Variants in SHROOM3 observed in about 807,000 individuals in gnomAD.
SHROOM3 encodes the protein shroom family member 3, also known as protein Shroom3.
A neutral mutation model predicts 138.6 loss-of-function variants in SHROOM3; 47 were observed. The ratio of observed to expected loss-of-function variants is 0.34; its 90% CI spans 0.27 to 0.43. The LOEUF is 0.43. Among genes scored for constraint, SHROOM3 ranks in the 20% least tolerant of loss-of-function variants. The pLI is 1.00. For synonymous variants in SHROOM3, 1,062 were observed against 1,063.3 expected, an observed-to-expected ratio of 1.00 and a Z score of 0.02; for missense variants, 2,491 against 2,596.5, an observed-to-expected ratio of 0.96 and a Z score of 0.88.
chr4:76,752,116 AC>A (rs1270450744), intron 6 of SHROOM3, among the ~76,000 whole-genome samples: 1 of 152,266 alleles, frequency 6.6e-6, no homozygotes, highest in Non-Finnish European at 1.5e-5. Context: ...GTATAGCCAT[AC>A]AATGGAATAT....
At chr4:76,688,784 C>G in intron 2 of SHROOM3, 2 of 985,346 alleles carry the variant, frequency 2.0e-6, no homozygotes, top group Non-Finnish European at 2.4e-6. Context: ...AAATTACAGT[C>G]ATGACGACCG....
At chr4:76,737,129 C>T (rs761691161) in intron 4 of SHROOM3, among the ~76,000 whole-genome samples, 1 of 152,136 alleles carries the variant, frequency 6.6e-6, no homozygotes, top group Non-Finnish European at 1.5e-5. Flanking sequence ...TTTATTGTGT[C>T]CATTGTTCTG....
intron 10 of SHROOM3, among the ~76,000 whole-genome samples, chr4:76,776,890 G>A (rs950301283): frequency 1.3e-5 from 2 of 152,052 alleles, no homozygotes; most frequent in Non-Finnish European, 1.5e-5. Context: ...TTGCTTTCTC[G>A]AAGATCAGTT....
chr4:76,513,178 AT>A (rs2110006311), intron 1 of SHROOM3, among the ~76,000 whole-genome samples: 1 of 152,248 alleles, frequency 6.6e-6, no homozygotes, highest in East Asian at 1.9e-4. Context: ...CGGGTCTTTC[AT>A]GATTCCCTAT....
At chr4:76,476,529 C>T (rs1024843246) in intron 1 of SHROOM3, among the ~76,000 whole-genome samples, 41 of 152,174 alleles carry the variant, frequency 2.7e-4, no homozygotes, top group Non-Finnish European at 5.0e-4. Flanking sequence ...TAGATGAGCT[C>T]TTCTATTTTT....
rs529124926 is a variant in SHROOM3, at chr4:76,626,172, C to G, written c.323+70409C>G. 3.9e-5 allele frequency among the ~76,000 whole-genome samples: 6 copies of G among 152,162 alleles called. No homozygotes were observed. In the South Asian group the frequency reaches 1.3e-3, roughly 32 times the overall value. ...CGTAGGGCTGCTTCATCAGGCGAAC[C>G]CTAATTCATGTAAAATTCAACGCTG... On this transcript the variant is annotated intron_variant, in intron 2 of 10. Coordinates refer to ENST00000296043, the MANE Select transcript of SHROOM3 (RefSeq NM_020859.4).
intron 2 of SHROOM3, among the ~76,000 whole-genome samples, chr4:76,591,422 C>G (rs1734271038): frequency 6.6e-6 from 1 of 152,202 alleles, no homozygotes; most frequent in Admixed American, 6.5e-5. Flanking sequence ...ACTTTTAGAT[C>G]TCCTTCACTT....
At chr4:76,733,888 G>C (rs1185174810) in intron 4 of SHROOM3, among the ~76,000 whole-genome samples, 1 of 152,118 alleles carries the variant, frequency 6.6e-6, no homozygotes, top group Non-Finnish European at 1.5e-5. Context: ...TGTGAGCTAG[G>C]TTGGATTTGG....
intron 2 of SHROOM3, among the ~76,000 whole-genome samples, chr4:76,700,047 C>T (rs994001832): frequency 6.6e-6 from 1 of 152,142 alleles, no homozygotes; most frequent in African/African-American, 2.4e-5. Context: ...GCCTCGTGTC[C>T]ACTCGGCATA....
chr4:76,738,640 A>G (rs879144883), intron 4 of SHROOM3, 121 bp from the exon 5 acceptor site: 3 of 1,199,398 alleles, frequency 2.5e-6, no homozygotes, highest in Non-Finnish European at 3.7e-6. Context: ...GGCCCTTTTT[A>G]CCCACCCTTC....
At chr4:76,554,338 T>C (rs1733432163) in intron 1 of SHROOM3, among the ~76,000 whole-genome samples, 2 of 152,342 alleles carry the variant, frequency 1.3e-5, no homozygotes, top group South Asian at 4.1e-4. Context: ...ATGTACTACT[T>C]TATGTATCCA....
intron 2 of SHROOM3, among the ~76,000 whole-genome samples, chr4:76,571,855 T>A (rs971592027): frequency 2.6e-5 from 4 of 152,242 alleles, no homozygotes; most frequent in Admixed American, 6.5e-5. Context: ...TTACTAGTAC[T>A]TATTCATAGA....
In SHROOM3 at chr4:76,738,856, C is replaced by A. The variant is rs577193004; in HGVS notation, c.683C>A (p.Pro228His). 1 of 1,614,248 alleles carries A rather than the reference C, an allele frequency of 6.2e-7. No individual in the cohort carries two copies. The highest frequency in any genetic ancestry group is 1.1e-5 in the South Asian group (1 of 91,090). ...CAGGGGAGCATGGAGAGCCTGGAGC[C>A]CAGTGGGGCATACCCACCCTGTCAT... ...SSQGSMESLE[P>H]SGAYPPCHLS... is the part of the protein sequence containing the mutation. Residue 228 changes from proline to histidine, a missense_variant, in exon 5 of 11, where the codon CCC (proline) becomes CAC (histidine). By Grantham distance (77) the Pro-to-His change is moderately conservative (BLOSUM62 -2). Around this residue, in one of 4 missense-constraint regions of SHROOM3, gnomAD observed 284 missense variants for 322.8 expected, o/e 0.88. Coordinates refer to ENST00000296043, the MANE Select transcript of SHROOM3 (RefSeq NM_020859.4).
chr4:76,707,908 A>T (rs1039675604), intron 2 of SHROOM3, among the ~76,000 whole-genome samples: 1 of 151,968 alleles, frequency 6.6e-6, no homozygotes, highest in South Asian at 2.1e-4. Context: ...CTCCAGCCTG[A>T]TTTCTAGTTT....
intron 1 of SHROOM3, among the ~76,000 whole-genome samples, chr4:76,524,300 T>C (rs2110012260): frequency 6.6e-6 from 1 of 152,226 alleles, no homozygotes; most frequent in South Asian, 2.1e-4. Context: ...CTATTTCTAC[T>C]GGGATGTTGA....
chr4:76,571,068 A>G (rs1733825014), intron 2 of SHROOM3, among the ~76,000 whole-genome samples: 1 of 152,234 alleles, frequency 6.6e-6, no homozygotes, highest in South Asian at 2.1e-4. Context: ...CTATCTTTAA[A>G]TAAATAATTT....
chr4:76,569,699 G>GTTTT (rs111300353), intron 2 of SHROOM3, among the ~76,000 whole-genome samples: 1 of 147,502 alleles, frequency 6.8e-6, no homozygotes. Flanking sequence ...TCCTATGACA[G>GTTTT]TTTTTTTTTT....
intron 1 of SHROOM3, among the ~76,000 whole-genome samples, chr4:76,521,761 C>G (rs1426007447): frequency 6.6e-6 from 1 of 152,142 alleles, no homozygotes; most frequent in Non-Finnish European, 1.5e-5. Context: ...TTATAAACCT[C>G]TCATTCATTC....
chr4:76,541,139 A>C (rs1733089063), intron 1 of SHROOM3, among the ~76,000 whole-genome samples: 1 of 152,158 alleles, frequency 6.6e-6, no homozygotes, highest in African/African-American at 2.4e-5. Context: ...GTACGTTATA[A>C]TAGATGTTCT....
Sources: gnomAD v4.1 joint callset for allele counts (sites outside exome capture counted in the v4.1 genomes callset) on GRCh38, gnomAD v4.1.1 for gene constraint, gnomAD v4.1.1 regional missense constraint, MANE v1.5 for transcripts, NCBI Gene and HGNC (gene_info 2026-07-23, HGNC 2026-07-21) for gene names.